MEGF6: variants seen among roughly 807,000 people sequenced by gnomAD.
MEGF6 encodes multiple EGF like domains 6, also known as multiple epidermal growth factor-like domains protein 6.
A neutral mutation model predicts 207.1 loss-of-function variants in MEGF6; 184 were observed. The ratio of observed to expected loss-of-function variants is 0.89; its 90% CI spans 0.79 to 1.00. The LOEUF (loss-of-function observed/expected upper bound fraction) is 1.00, where lower values mean the gene tolerates loss of function less well. Among genes scored for constraint, MEGF6 ranks in the 50% least tolerant of loss-of-function variants. The probability of loss-of-function intolerance (pLI) is 0.00; values close to 1 mark genes in which losing one functional copy is unlikely to be tolerated. For missense variants in MEGF6, 2,282 were observed against 2,202.9 expected, an observed-to-expected ratio of 1.04 and a Z score of -0.72; for synonymous variants, 1,038 against 910.0, an observed-to-expected ratio of 1.14 and a Z score of -2.53.
intron 1 of MEGF6, among the ~76,000 whole-genome samples, chr1:3,604,038 C>T (rs1032175901): frequency 3.9e-5 from 6 of 152,168 alleles, no homozygotes; most frequent in African/African-American, 1.4e-4. Context: ...CCAGCCGGGA[C>T]AGCAGGGGCT....
chr1:3,607,058 G>A (rs1399267583), intron 1 of MEGF6, among the ~76,000 whole-genome samples: 2 of 151,924 alleles, frequency 1.3e-5, no homozygotes, highest in African/African-American at 2.4e-5. Flanking sequence ...TTGGGCCTCC[G>A]GGGCTTGGAG....
rs540976770 is a variant in MEGF6 at position 3,494,538 on chromosome 1, C to G, written c.4001-39G>C. ...AGGGTGGGCAGTCCTTCGGCACCAG[C>G]CTTGCCCAGCCCTATGGCAGCCCAG... On this transcript the variant is annotated intron_variant, in intron 31 of 36. Transcript: ENST00000356575. 3 of 1,570,416 alleles carry G rather than the reference C, an allele frequency of 1.9e-6. No individual in the cohort carries two copies. The South Asian group carries it at 3.5e-5, about 18-fold the overall frequency.
chr1:3,500,086 C>T (rs2100917548), intron 21 of MEGF6, among the ~76,000 whole-genome samples, 162 bp from the exon 22 acceptor site: 1 of 152,350 alleles, frequency 6.6e-6, no homozygotes, highest in East Asian at 1.9e-4. Flanking sequence ...GCTTCATCCC[C>T]CACCCAGGTG....
At chr1:3,512,860 C>T (rs987373136) in intron 7 of MEGF6, among the ~76,000 whole-genome samples, 3 of 152,210 alleles carry the variant, frequency 2.0e-5, no homozygotes, top group Non-Finnish European at 4.4e-5. Context: ...ACACACACCG[C>T]TGCCTCAGAG....
chr1:3,537,179 G>A (rs1336940781), intron 4 of MEGF6, among the ~76,000 whole-genome samples: 1 of 152,244 alleles, frequency 6.6e-6, no homozygotes, highest in Non-Finnish European at 1.5e-5. Flanking sequence ...GGGGCCCAAG[G>A]GGGCCAAGGC....
In MEGF6 at chr1:3,575,662, G is replaced by A. The variant is rs533219421; in HGVS notation, c.481+4163C>T. ...ACATGGATGGCAGCAGGCAAAGAGA[G>A]AGAGCTTGTGCGGGGAAACTCCCCC... On this transcript the variant is annotated intron_variant, in intron 4 of 36. Coordinates refer to ENST00000356575, the MANE Select transcript of MEGF6 (RefSeq NM_001409.4). 7.5e-3 allele frequency among the ~76,000 whole-genome samples: 1,139 copies of A among 152,166 alleles called. 10 individuals carry two copies. Among genetic ancestry groups the A allele is most frequent in the Middle Eastern group, 0.014 (4 of 294 alleles).
chr1:3,522,951 C>T (rs1407379567), intron 5 of MEGF6, among the ~76,000 whole-genome samples: 1 of 152,226 alleles, frequency 6.6e-6, no homozygotes, highest in Non-Finnish European at 1.5e-5. Flanking sequence ...GGCCGCACCC[C>T]CGTCTCCGTT....
chr1:3,492,506 C>A, intron 35 of MEGF6, 133 bp downstream of exon 35: 3 of 1,267,366 alleles, frequency 2.4e-6, no homozygotes, highest in Non-Finnish European at 3.3e-6. Context: ...AGATGACATT[C>A]GCTATGTCTG....
At chr1:3,500,915 G>A (rs374773094) in intron 20 of MEGF6, 51 bp downstream of exon 20, 211 of 1,609,808 alleles carry the variant, frequency 1.3e-4, no homozygotes, top group Non-Finnish European at 1.7e-4. Context: ...CTCTCCAGGG[G>A]CTAGGAAAGG....
At chr1:3,510,945 C>A (rs748113915) in intron 9 of MEGF6, 43 bp from the exon 10 acceptor site, 2 of 1,568,930 alleles carry the variant, frequency 1.3e-6, no homozygotes, top group Non-Finnish European at 1.7e-6. Flanking sequence ...CAGGCACCTG[C>A]ACGTGCACAC....
chr1:3,535,182 C>T (rs768826516), intron 4 of MEGF6, among the ~76,000 whole-genome samples: 2 of 152,146 alleles, frequency 1.3e-5, no homozygotes, highest in South Asian at 2.1e-4. Flanking sequence ...GGTGTGTCAC[C>T]GCGACGGTGC....
At chr1:3,599,111 G>GT (rs1400245998) in intron 2 of MEGF6, among the ~76,000 whole-genome samples, 1 of 152,214 alleles carries the variant, frequency 6.6e-6, no homozygotes, top group African/African-American at 2.4e-5. Flanking sequence ...GACGCCTGCT[G>GT]CCCTTCTGAC....
chr1:3,490,080 A>T lies in MEGF6; in HGVS notation c.*448T>A. The T allele has an allele frequency of 5.7e-6, 1 of 176,800 alleles. No individual in the cohort carries two copies. Among genetic ancestry groups the T allele is most frequent in the Non-Finnish European group, 1.2e-5 (1 of 84,554 alleles). 11.0% of individuals were successfully genotyped at this position (176,800 alleles called of 1,614,324 possible). On this transcript the variant is annotated 3_prime_UTR_variant, in exon 37 of 37. Coordinates refer to ENST00000356575, the MANE Select transcript of MEGF6 (RefSeq NM_001409.4). ...TCCCAGGGCTGCAGCGGGCATGTGC[A>T]GTGGCCCATAAATACCTTTACATAA...
chr1:3,516,793 G>C (rs1360269536), intron 5 of MEGF6, among the ~76,000 whole-genome samples: 1 of 152,214 alleles, frequency 6.6e-6, no homozygotes, highest in East Asian at 1.9e-4. Context: ...TCCCACAGGG[G>C]AGCAGGCGCT....
chr1:3,514,743 G>A, intron 6 of MEGF6, 71 bp from the exon 7 acceptor site: 2 of 1,460,478 alleles, frequency 1.4e-6, no homozygotes, highest in East Asian at 2.5e-5. Flanking sequence ...CTGCCCCCAG[G>A]CTTCTTGTGA....
In MEGF6 at chr1:3,556,156, C is replaced by T. The variant is rs1020833434; in HGVS notation, c.481+23669G>A. On this transcript the variant is annotated intron_variant, in intron 4 of 36. Transcript: ENST00000356575. The surrounding 1 kb of genome is among the most constrained non-coding windows in gnomAD (Gnocchi z 4.4). ...CGTGGCCCAGGTGCTAAGTGAACCA[C>T]GTCCCTGTTGCTGGGCCACCCTGTG... Among the ~76,000 whole-genome samples, 2 of 152,234 alleles carry T rather than the reference C, an allele frequency of 1.3e-5. No individual in the cohort carries two copies. The highest frequency in any genetic ancestry group is 6.5e-5 in the Admixed American group (1 of 15,284).
intron 5 of MEGF6, among the ~76,000 whole-genome samples, chr1:3,522,597 GT>G (rs1179003202): frequency 6.6e-6 from 1 of 151,648 alleles, no homozygotes; most frequent in African/African-American, 2.4e-5. Flanking sequence ...TGAGTGATGG[GT>G]GGGTGGGCAG....
rs760974680 is a variant in MEGF6, at chr1:3,510,897, C to T, written c.1120G>A (p.Asp374Asn). ...DTDQRTCIDV[D>N]DCADSPCCQQ... ...CAGCACGGGCTGTCTGCACAGTCGT[C>T]GACATCTGTGGAGCACACGCCACGG... The change falls in exon 10 of 37, where the codon GAC becomes AAC. Residue 374 changes from aspartate (D) to asparagine (N), a missense_variant. Transcript: ENST00000356575. 37 of 1,604,658 alleles carry T rather than the reference C, an allele frequency of 2.3e-5. No individual in the cohort carries two copies. The highest frequency in any genetic ancestry group is 5.3e-5 in the African/African-American group (4 of 74,802).
At chr1:3,525,860 C>G (rs886229170) in intron 4 of MEGF6, among the ~76,000 whole-genome samples, 1 of 152,212 alleles carries the variant, frequency 6.6e-6, no homozygotes, top group African/African-American at 2.4e-5. Flanking sequence ...CCCTCCAGGC[C>G]CCCCTCGCCA....
Sources: gnomAD v4.1 joint callset for allele counts (sites outside exome capture counted in the v4.1 genomes callset) on GRCh38, gnomAD v4.1.1 for gene constraint, Gnocchi (gnomAD v3.1) non-coding constraint, MANE v1.5 for transcripts, NCBI Gene and HGNC (gene_info 2026-07-23, HGNC 2026-07-21) for gene names.